The following ZNF804B variants were observed in gnomAD, a reference collection of about 807,000 sequenced individuals.
The protein encoded by ZNF804B is zinc finger protein 804B.
A neutral mutation model predicts 101.4 loss-of-function variants in ZNF804B; 80 were observed. The observed-to-expected ratio is 0.79, with a 90% CI of 0.66 to 0.95. ZNF804B has a LOEUF of 0.95. Ranked by LOEUF, ZNF804B falls within the 40% of genes least tolerant of loss-of-function variation. ZNF804B has a pLI of 0.00. For synonymous variants in ZNF804B, 622 were observed against 558.8 expected, an observed-to-expected ratio of 1.11 and a Z score of -1.59; for missense variants, 1,673 against 1,561.9, an observed-to-expected ratio of 1.07 and a Z score of -1.20.
intron 2 of ZNF804B, among the ~76,000 whole-genome samples, chr7:89,259,339 C>T (rs566307119): frequency 1.1e-4 from 16 of 152,164 alleles, no homozygotes; most frequent in Non-Finnish European, 1.5e-5. Flanking sequence ...TGGTTTTTGC[C>T]ACATCCACAA....
chr7:89,028,258 C>G (rs1788780527), intron 1 of ZNF804B, among the ~76,000 whole-genome samples: 1 of 152,112 alleles, frequency 6.6e-6, no homozygotes. Context: ...GAGTTAATTA[C>G]AAACAGCAAC....
At chr7:88,957,391 G>A (rs1401772184) in intron 1 of ZNF804B, among the ~76,000 whole-genome samples, 2 of 151,364 alleles carry the variant, frequency 1.3e-5, no homozygotes, top group African/African-American at 4.8e-5. Flanking sequence ...GCAGAATAAA[G>A]AGGCTAAAGT....
At chr7:89,096,008 AG>A (rs1471703038) in intron 1 of ZNF804B, among the ~76,000 whole-genome samples, 1 of 152,016 alleles carries the variant, frequency 6.6e-6, no homozygotes, top group Admixed American at 6.6e-5. Flanking sequence ...AAAAAAAATT[AG>A]CCGGGCATGG....
intron 1 of ZNF804B, among the ~76,000 whole-genome samples, chr7:88,877,046 TATA>T (rs1357447920): frequency 0.011 from 526 of 46,164 alleles, 18 homozygotes; most frequent in East Asian, 0.044. Flanking sequence ...TATATATATA[TATA>T]TTTTTTTTTT....
chr7:88,923,844 G>C (rs907266492), intron 1 of ZNF804B, among the ~76,000 whole-genome samples: 1 of 152,016 alleles, frequency 6.6e-6, no homozygotes, highest in African/African-American at 2.4e-5. Context: ...AGATAAGTTT[G>C]CTTTCTGTTT....
chr7:88,965,709 A>G (rs1793443996), intron 1 of ZNF804B, among the ~76,000 whole-genome samples: 1 of 151,492 alleles, frequency 6.6e-6, no homozygotes. Context: ...GCCATTGTGA[A>G]TCACTGCCGT....
chr7:89,076,984 G>C (rs1443265177), intron 1 of ZNF804B, among the ~76,000 whole-genome samples: 1 of 152,008 alleles, frequency 6.6e-6, no homozygotes, highest in East Asian at 1.9e-4. Context: ...GAATGGCGCT[G>C]TCTAATGGCT....
chr7:88,775,930 A>G (rs1219967331), intron 1 of ZNF804B, among the ~76,000 whole-genome samples: 7 of 152,164 alleles, frequency 4.6e-5, no homozygotes, highest in East Asian at 1.9e-4. Context: ...TGTCCCTCCA[A>G]TTTTAAGGTG....
rs146756737 is a variant in ZNF804B at position 89,065,876 on chromosome 7, T to G, written c.109-152279T>G. ...CTCTTACAACTTCCTTATGCCCATC[T>G]CCTGATAACCCAGGATAATCTTCCC... On this transcript the variant is annotated intron_variant, in intron 1 of 3. Transcript: ENST00000333190. 2.6e-5 allele frequency among the ~76,000 whole-genome samples: 4 copies of G among 152,270 alleles called. No homozygotes were observed. The East Asian group carries it at 7.7e-4, about 29-fold the overall frequency.
At chr7:89,215,674 G>C (rs892295855) in intron 1 of ZNF804B, among the ~76,000 whole-genome samples, 1 of 151,590 alleles carries the variant, frequency 6.6e-6, no homozygotes, top group Non-Finnish European at 1.5e-5. Context: ...ACGAGGTCCG[G>C]AGATCAAGAC....
chr7:89,188,002 T>A (rs2115603992), intron 1 of ZNF804B, among the ~76,000 whole-genome samples: 1 of 152,210 alleles, frequency 6.6e-6, no homozygotes, highest in African/African-American at 2.4e-5. Context: ...TTTGCTTGTG[T>A]GGGTTGGGAA....
intron 1 of ZNF804B, among the ~76,000 whole-genome samples, chr7:89,062,538 A>G (rs185895509): frequency 3.9e-5 from 6 of 152,210 alleles, no homozygotes; most frequent in African/African-American, 1.2e-4. Context: ...CATTTTGACT[A>G]TTAGCTCTTT....
chr7:89,172,886 A>C (rs148883578), intron 1 of ZNF804B, among the ~76,000 whole-genome samples: 24 of 152,226 alleles, frequency 1.6e-4, no homozygotes, highest in African/African-American at 5.3e-4. Flanking sequence ...CCTCCCTCAA[A>C]AGGAATAAAC....
intron 1 of ZNF804B, among the ~76,000 whole-genome samples, chr7:89,156,661 C>CT (rs1245116447): frequency 6.6e-6 from 1 of 151,876 alleles, no homozygotes; most frequent in African/African-American, 2.4e-5. Flanking sequence ...CAGAAACTGA[C>CT]TATCTCTGGA....
chr7:88,896,751 G>A (rs1488888591), intron 1 of ZNF804B, among the ~76,000 whole-genome samples: 1 of 152,188 alleles, frequency 6.6e-6, no homozygotes, highest in African/African-American at 2.4e-5. Flanking sequence ...TGGAATTGAA[G>A]ATGGAGTATG....
intron 1 of ZNF804B, among the ~76,000 whole-genome samples, chr7:88,863,069 G>A (rs1441964056): frequency 3.3e-5 from 5 of 152,022 alleles, no homozygotes; most frequent in African/African-American, 4.8e-5. Context: ...TCTAATCCAC[G>A]CCTCTCCTTC....
At chr7:89,201,567 A>G (rs1167023937) in intron 1 of ZNF804B, among the ~76,000 whole-genome samples, 1 of 152,012 alleles carries the variant, frequency 6.6e-6, no homozygotes, top group Non-Finnish European at 1.5e-5. Context: ...AATCAAAAGG[A>G]GCATGTAGTG....
intron 1 of ZNF804B, among the ~76,000 whole-genome samples, chr7:88,799,425 T>TTACGG (rs1790544454): frequency 6.6e-6 from 1 of 152,066 alleles, no homozygotes; most frequent in Non-Finnish European, 1.5e-5. Context: ...AGCCTCCATA[T>TTACGG]TCTGTCTACC....
chr7:88,840,531 G>C (rs1163070303), intron 1 of ZNF804B, among the ~76,000 whole-genome samples: 2 of 151,914 alleles, frequency 1.3e-5, no homozygotes, highest in African/African-American at 4.8e-5. Flanking sequence ...TTAAAATTGG[G>C]GATATTAGTA....
Sources: gnomAD v4.1 joint callset for allele counts (sites outside exome capture counted in the v4.1 genomes callset) on GRCh38, gnomAD v4.1.1 for gene constraint, MANE v1.5 for transcripts, NCBI Gene and HGNC (gene_info 2026-07-23, HGNC 2026-07-21) for gene names.